TRAF3IP2: variants seen among roughly 807,000 people sequenced by gnomAD.
The protein encoded by TRAF3IP2 is TRAF3 interacting protein 2.
TRAF3IP2 carries 35 observed loss-of-function variants against 57.9 expected under a neutral mutation model. The ratio of observed to expected loss-of-function variants is 0.60; its 90% CI spans 0.46 to 0.80. TRAF3IP2 has a LOEUF of 0.80. Ranked by LOEUF, TRAF3IP2 falls within the 30% of genes least tolerant of loss-of-function variation. The pLI is 0.00. For synonymous variants in TRAF3IP2, 251 were observed against 268.9 expected, an observed-to-expected ratio of 0.93 and a Z score of 0.65; for missense variants, 556 against 706.4, an observed-to-expected ratio of 0.79 and a Z score of 2.41.
intron 4 of TRAF3IP2, chr6:111,573,552 A>G (rs966877570): frequency 6.5e-6 from 1 of 153,724 alleles, no homozygotes; most frequent in African/African-American, 2.4e-5. Flanking sequence ...TTTGGAGTAG[A>G]CCAAAGCACA....
In TRAF3IP2 at chr6:111,556,409, C is replaced by G. The variant is rs1235690793; in HGVS notation, c.*2996G>C. 1 of 152,138 alleles carries G rather than the reference C, an allele frequency of 6.6e-6. No homozygotes were observed. The highest frequency in any genetic ancestry group is 1.5e-5 in the Non-Finnish European group (1 of 68,028). The allele number at this position is 152,138 out of a possible 1,614,324, so 9.4% of individuals were successfully genotyped here. On this transcript the variant is annotated 3_prime_UTR_variant, in exon 9 of 9. Transcript: ENST00000368761. Reference sequence around the variant, plus strand: ...TGAAGGGAGGAAGGGTTAATAACATCACATTGCTAAGTCTTTGCAAACTAG... The same window carrying G: ...TGAAGGGAGGAAGGGTTAATAACATGACATTGCTAAGTCTTTGCAAACTAG...
chr6:111,575,321 G>A (rs112963658), intron 4 of TRAF3IP2, among the ~76,000 whole-genome samples: 8 of 152,190 alleles, frequency 5.3e-5, no homozygotes, highest in African/African-American at 1.9e-4. Context: ...GGGTGCGGTG[G>A]CTCACATCTG....
rs201800803 is a variant in TRAF3IP2 at position 111,557,159 on chromosome 6, G to A, written c.*2246C>T. 1.3e-5 allele frequency: 2 copies of A among 151,996 alleles called. No individual in the cohort carries two copies. Among genetic ancestry groups the A allele is most frequent in the African/African-American group, 4.8e-5 (2 of 41,354 alleles). The allele number at this position is 151,996 out of a possible 1,614,324, so 9.4% of individuals were successfully genotyped here. On this transcript the variant is annotated 3_prime_UTR_variant, in exon 9 of 9. Transcript: ENST00000368761. ...GAAAAAAAAAACAAAACGGTGGACT[G>A]TCTTGTAGCACAAGTGAGCCTTGTT...
chr6:111,594,132 C>CAAATAA (rs1796608590), intron 1 of TRAF3IP2, among the ~76,000 whole-genome samples: 1 of 124,020 alleles, frequency 8.1e-6, no homozygotes. Context: ...ACTCCATCTC[C>CAAATAA]AAAAAAAAAA....
At position 111,604,170 on chromosome 6, in the gene TRAF3IP2, AGGG is replaced by A. The variant is rs1464413653; in HGVS notation, c.-9+1603_-9+1605del. On this transcript the variant is annotated intron_variant, in intron 1 of 8. Coordinates refer to ENST00000368761, the MANE Select transcript of TRAF3IP2 (RefSeq NM_147686.4). ...CTGCACCAGCCCATCCCAGTCAGCT[AGGG>A]CCTGTTTGAACTGTATTGATGGCAA... 3.3e-5 allele frequency among the ~76,000 whole-genome samples: 5 copies of A among 152,212 alleles called. 1 individual carries two copies. Among genetic ancestry groups the A allele is most frequent in the African/African-American group, 1.2e-4 (5 of 41,460 alleles).
chr6:111,560,357 A>C (rs1795391143), intron 8 of TRAF3IP2, among the ~76,000 whole-genome samples: 1 of 152,224 alleles, frequency 6.6e-6, no homozygotes, highest in Non-Finnish European at 1.5e-5. Context: ...CAACAAGGCC[A>C]CTGTGAGTAG....
chr6:111,572,526 G>A (rs947047553), intron 5 of TRAF3IP2, among the ~76,000 whole-genome samples: 2 of 152,236 alleles, frequency 1.3e-5, no homozygotes, highest in African/African-American at 4.8e-5. Context: ...GCAGCTTCCT[G>A]CATCATGGGA....
rs367594810 is a variant in TRAF3IP2 at position 111,586,446 on chromosome 6, C to T, written c.829+4812G>A. Among the ~76,000 whole-genome samples, 29 of 152,174 alleles carry T rather than the reference C, an allele frequency of 1.9e-4. 1 individual carries two copies. Among genetic ancestry groups the T allele is most frequent in the Admixed American group, 9.2e-4 (14 of 15,290 alleles). ...GCTGGCGACCTTCAGTGGAAGGATT[C>T]GGAGGCAGCAGGAGGCCGACTTCTC... On this transcript the variant is annotated intron_variant, in intron 2 of 8. Coordinates refer to ENST00000368761, the MANE Select transcript of TRAF3IP2 (RefSeq NM_147686.4).
chr6:111,589,325 A>C (rs965144997), intron 2 of TRAF3IP2, among the ~76,000 whole-genome samples: 3 of 152,180 alleles, frequency 2.0e-5, no homozygotes, highest in Admixed American at 6.5e-5. Flanking sequence ...TGGCCTCCCA[A>C]AGTGCTGGGA....
intron 1 of TRAF3IP2, among the ~76,000 whole-genome samples, chr6:111,602,913 G>A (rs577412706): frequency 1.3e-5 from 2 of 152,264 alleles, no homozygotes; most frequent in Admixed American, 6.5e-5. Flanking sequence ...GCACAGGCTG[G>A]GAGCTCCGGT....
At chr6:111,561,076 G>A (rs1299112127) in intron 8 of TRAF3IP2, among the ~76,000 whole-genome samples, 1 of 151,944 alleles carries the variant, frequency 6.6e-6, no homozygotes, top group Admixed American at 6.6e-5. Flanking sequence ...CAGCTACTTG[G>A]GAGGCTGAGG....
Position 111,557,596 on chromosome 6 carries a change from T to C in TRAF3IP2, c.*1809A>G, listed in dbSNP as rs1343614284. On this transcript the variant is annotated 3_prime_UTR_variant, in exon 9 of 9. Transcript: ENST00000368761. ...AGGCGCCTGCCACCACGCCCGGCTA[T>C]TTTTTTTGTATTTTTAGTAGAGATG... is the stretch of plus-strand genomic sequence containing the variant. The C allele has an allele frequency of 1.3e-5, 2 of 150,944 alleles. No homozygotes were observed. Among genetic ancestry groups the C allele is most frequent in the African/African-American group, 2.4e-5 (1 of 41,160 alleles). The allele number at this position is 150,944 out of a possible 1,614,324, so 9.4% of individuals were successfully genotyped here.
At chr6:111,585,007 T>C (rs1796283404) in intron 2 of TRAF3IP2, among the ~76,000 whole-genome samples, 1 of 152,228 alleles carries the variant, frequency 6.6e-6, no homozygotes, top group Non-Finnish European at 1.5e-5. Flanking sequence ...GCTTTTGGTA[T>C]CTTAATGACA....
Position 111,591,439 on chromosome 6 carries a change from C to T in TRAF3IP2, c.648G>A (p.Leu216=). The change falls in exon 2 of 9, where the codon CTG becomes CTA. Residue 216 remains leucine (L), a synonymous_variant. Coordinates refer to ENST00000368761, the MANE Select transcript of TRAF3IP2 (RefSeq NM_147686.4). This position sits in a 1 kb window ranked among gnomAD's most constrained non-coding sequence, Gnocchi z 4.9. ...GGGGGTAACACACGGAGGTGAGGGGCAGGGGCCTTTCCAGCTGCCTGATGC... is the reference window on the plus strand; with the variant it reads ...GGGGGTAACACACGGAGGTGAGGGGTAGGGGCCTTTCCAGCTGCCTGATGC... The part of the protein sequence containing the change: ...VLGIRQLERP[L]PLTSVCYPQD... 1 of 1,581,980 alleles carries T rather than the reference C, an allele frequency of 6.3e-7. No homozygotes were observed. The highest frequency in any genetic ancestry group is 1.2e-5 in the South Asian group (1 of 85,694).
At chr6:111,588,411 G>A (rs1374519079) in intron 2 of TRAF3IP2, among the ~76,000 whole-genome samples, 1 of 152,184 alleles carries the variant, frequency 6.6e-6, no homozygotes, top group Non-Finnish European at 1.5e-5. Flanking sequence ...AGTGTTCCCA[G>A]TCAGGAGTGT....
At position 111,572,916 on chromosome 6, in the gene TRAF3IP2, CA is replaced by C; in HGVS notation, c.1268del (p.Leu423TrpfsTer2). 1 of 1,613,950 alleles carries C rather than the reference CA, an allele frequency of 6.2e-7. No homozygotes were observed. Among genetic ancestry groups the C allele is most frequent in the South Asian group, 1.1e-5 (1 of 91,078 alleles). Reference protein sequence around the residue: ...MEVVKFVNFLLVNGFQTAIDI... With the variant: ...MEVVKFVNFLXVNGFQTAIDI... Reference sequence around the variant, plus strand: ...TTACTGCAGTTTGGAAGCCATTTACCAACAAAAAGTTCACGAATTTCACCAC... The same window carrying C: ...TTACTGCAGTTTGGAAGCCATTTACCACAAAAAGTTCACGAATTTCACCAC... On this transcript the variant is annotated frameshift_variant, in exon 5 of 9. Transcript: ENST00000368761. LOFTEE classifies it high-confidence loss of function.
At chr6:111,565,863 A>C (rs1795619242) in intron 7 of TRAF3IP2, among the ~76,000 whole-genome samples, 1 of 152,184 alleles carries the variant, frequency 6.6e-6, no homozygotes, top group Non-Finnish European at 1.5e-5. Flanking sequence ...ATATTTTGAA[A>C]ACATTATTTC....
At chr6:111,593,253 G>A (rs1011733830) in intron 1 of TRAF3IP2, among the ~76,000 whole-genome samples, 2 of 152,200 alleles carry the variant, frequency 1.3e-5, no homozygotes, top group African/African-American at 4.8e-5. Flanking sequence ...ACCAGAGAGA[G>A]AAAAGGGATT....
At chr6:111,586,647 T>C (rs893241709) in intron 2 of TRAF3IP2, among the ~76,000 whole-genome samples, 1 of 152,178 alleles carries the variant, frequency 6.6e-6, no homozygotes, top group Non-Finnish European at 1.5e-5. Flanking sequence ...TATTCATTAA[T>C]GGGTAAGGAA....
Sources: gnomAD v4.1 joint callset for allele counts (sites outside exome capture counted in the v4.1 genomes callset) on GRCh38, gnomAD v4.1.1 for gene constraint, Gnocchi (gnomAD v3.1) non-coding constraint, MANE v1.5 for transcripts, NCBI Gene and HGNC (gene_info 2026-07-23, HGNC 2026-07-21) for gene names.